The following TM9SF4 variants were observed in gnomAD, a reference collection of about 807,000 sequenced individuals.
TM9SF4 encodes the protein dinucleotide oxidase disulfide thiol exchanger 3 superfamily member 4.
A neutral mutation model predicts 90.4 loss-of-function variants in TM9SF4; 26 were observed. The observed-to-expected ratio is 0.29, with a 90% CI of 0.21 to 0.40. The LOEUF is 0.40. Ranked by LOEUF, TM9SF4 falls within the 10% of genes least tolerant of loss-of-function variation. The pLI, the probability that TM9SF4 is intolerant of heterozygous loss-of-function variation, is 1.00. For missense variants in TM9SF4, 549 were observed against 834.8 expected, an observed-to-expected ratio of 0.66 and a Z score of 4.22; for synonymous variants, 293 against 315.4, an observed-to-expected ratio of 0.93 and a Z score of 0.75.
chr20:32,155,287 T>C, intron 13 of TM9SF4, 101 bp downstream of exon 13: 2 of 1,007,906 alleles, frequency 2.0e-6, no homozygotes, highest in Non-Finnish European at 3.1e-6. Context: ...CCCTTCCCTT[T>C]TCTGAGTCCC....
intron 1 of TM9SF4, among the ~76,000 whole-genome samples, chr20:32,132,455 A>G (rs2046533861): frequency 6.6e-6 from 1 of 151,674 alleles, no homozygotes; most frequent in South Asian, 2.1e-4. Flanking sequence ...TTCCACCAGA[A>G]GGCACAGTAA....
At chr20:32,113,286 C>G (rs555954713) in intron 1 of TM9SF4, among the ~76,000 whole-genome samples, 10 of 152,208 alleles carry the variant, frequency 6.6e-5, no homozygotes, top group Non-Finnish European at 1.5e-4. Context: ...GAGCCGCCAG[C>G]TCCCAGAACA....
intron 12 of TM9SF4, among the ~76,000 whole-genome samples, chr20:32,154,765 G>A (rs148325711): frequency 1.3e-5 from 2 of 152,328 alleles, no homozygotes; most frequent in East Asian, 3.9e-4. Flanking sequence ...AGTAGTTACC[G>A]TGTTCTCAGT....
intron 1 of TM9SF4, among the ~76,000 whole-genome samples, chr20:32,123,866 A>ATTT (rs1165240152): frequency 1.1e-4 from 10 of 93,960 alleles, no homozygotes; most frequent in African/African-American, 1.8e-4. Context: ...ATATATATAT[A>ATTT]TTTTTTTTTT....
chr20:32,136,135 GCCAGC>G lies in TM9SF4; in HGVS notation c.197_201del (p.Pro66GlnfsTer34). On this transcript the variant is annotated frameshift_variant, in exon 3 of 18. Transcript: ENST00000398022. LOFTEE classifies it high-confidence loss of function. ...TATGAATACTATTCACTGCCCTTCT[GCCAGC>G]CCAGCAAGATAACCTACAAGGCAGA... The G allele has an allele frequency of 6.2e-7, 1 of 1,614,094 alleles. No homozygotes were observed. Among genetic ancestry groups the G allele is most frequent in the Non-Finnish European group, 8.5e-7 (1 of 1,180,010 alleles).
At chr20:32,155,214 C>G (rs767694849) in intron 13 of TM9SF4, 28 bp downstream of exon 13, 1 of 1,587,380 alleles carries the variant, frequency 6.3e-7, no homozygotes, top group Admixed American at 1.7e-5. Context: ...CCTTCCAGCC[C>G]CTCCCCAGCA....
chr20:32,117,898 A>C (rs1463823285), intron 1 of TM9SF4, among the ~76,000 whole-genome samples: 1 of 152,216 alleles, frequency 6.6e-6, no homozygotes, highest in East Asian at 1.9e-4. Context: ...CATGGCTCTG[A>C]ACATGCAGAA....
chr20:32,140,947 G>A (rs928437067), intron 3 of TM9SF4, among the ~76,000 whole-genome samples: 6 of 152,076 alleles, frequency 3.9e-5, no homozygotes, highest in Non-Finnish European at 5.9e-5. Context: ...GGCTGGGCGC[G>A]GTGGCTCACA....
At chr20:32,123,162 A>T (rs1308121014) in intron 1 of TM9SF4, among the ~76,000 whole-genome samples, 4 of 58,860 alleles carry the variant, frequency 6.8e-5, no homozygotes, top group Non-Finnish European at 1.3e-4. Context: ...GACCATGAGG[A>T]GAGGGAGAGG....
intron 1 of TM9SF4, among the ~76,000 whole-genome samples, chr20:32,131,123 C>T (rs1042439114): frequency 6.6e-6 from 1 of 152,158 alleles, no homozygotes; most frequent in Non-Finnish European, 1.5e-5. Flanking sequence ...TAAAGATTTT[C>T]CTGCTCTCCT....
chr20:32,158,260 A>G (rs1295658563), intron 14 of TM9SF4, among the ~76,000 whole-genome samples, 191 bp from the exon 15 acceptor site: 2 of 152,180 alleles, frequency 1.3e-5, no homozygotes, highest in Non-Finnish European at 2.9e-5. Flanking sequence ...CCAGTTGCCC[A>G]TCTATAAAAT....
chr20:32,124,292 GGAGAGACAA>G (rs2122344676), intron 1 of TM9SF4, among the ~76,000 whole-genome samples: 1 of 152,292 alleles, frequency 6.6e-6, no homozygotes, highest in African/African-American at 2.4e-5. Flanking sequence ...TTGAATTGGG[GGAGAGACAA>G]GTGAGACAAA....
chr20:32,158,715 G>A (rs941448387), intron 15 of TM9SF4, among the ~76,000 whole-genome samples: 24 of 152,174 alleles, frequency 1.6e-4, no homozygotes, highest in African/African-American at 5.8e-4. Context: ...GGGCGCGGTG[G>A]CTCACACCTG....
intron 1 of TM9SF4, among the ~76,000 whole-genome samples, chr20:32,112,529 T>C (rs1394408132): frequency 6.6e-6 from 1 of 151,440 alleles, no homozygotes; most frequent in Non-Finnish European, 1.5e-5. Flanking sequence ...AACCCTGTCT[T>C]CTAAAAATAC....
intron 1 of TM9SF4, among the ~76,000 whole-genome samples, chr20:32,132,393 CA>C (rs560104829): frequency 9.1e-4 from 126 of 138,444 alleles, no homozygotes; most frequent in Non-Finnish European, 7.6e-4. Flanking sequence ...AACTCCGTCT[CA>C]AAAAAAAAAA....
chr20:32,126,976 C>T (rs757683531), intron 1 of TM9SF4, among the ~76,000 whole-genome samples: 21 of 152,104 alleles, frequency 1.4e-4, no homozygotes, highest in Non-Finnish European at 2.6e-4. Flanking sequence ...TCAGGTGAAC[C>T]GCCCGCCTCG....
At position 32,166,721 on chromosome 20, in the gene TM9SF4, C is replaced by T. The variant is rs2047103959; in HGVS notation, c.*1277C>T. 6.6e-6 allele frequency: 1 copy of T among 152,336 alleles called. No homozygotes were observed. Among genetic ancestry groups the T allele is most frequent in the East Asian group, 1.9e-4 (1 of 5,186 alleles). The allele number at this position is 152,336 out of a possible 1,614,324, so 9.4% of individuals were successfully genotyped here. A position where few individuals can be genotyped will look rare whatever the true frequency, so the allele number is the denominator to read the frequency against. On this transcript the variant is annotated 3_prime_UTR_variant, in exon 18 of 18. Transcript: ENST00000398022. ...TCCGTAGACCCCTGTTCTTTTCAAC[C>T]TCTGCCCACCCGTGCATGTCATCAC...
chr20:32,141,985 A>G, intron 5 of TM9SF4, 90 bp downstream of exon 5: 7 of 1,573,328 alleles, frequency 4.4e-6, no homozygotes, highest in South Asian at 1.2e-5. Context: ...GGGCTCGGCC[A>G]CAGCAAGTTT....
chr20:32,165,517 G>T lies in TM9SF4; in HGVS notation c.*73G>T. 1 of 1,556,452 alleles carries T rather than the reference G, an allele frequency of 6.4e-7. No homozygotes were observed. The highest frequency in any genetic ancestry group is 8.8e-7 in the Non-Finnish European group (1 of 1,135,042). ...ACCCTGCGTGGGGGACTGCAGGCAC[G>T]CAAAATAAAATAACTCCTGCTCGTT... is the stretch of plus-strand genomic sequence containing the variant. On this transcript the variant is annotated 3_prime_UTR_variant, in exon 18 of 18. Transcript: ENST00000398022.
Sources: gnomAD v4.1 joint callset for allele counts (sites outside exome capture counted in the v4.1 genomes callset) on GRCh38, gnomAD v4.1.1 for gene constraint, MANE v1.5 for transcripts, NCBI Gene and HGNC (gene_info 2026-07-23, HGNC 2026-07-21) for gene names.